Variants in FHIT observed in about 807,000 individuals in gnomAD.
The protein encoded by FHIT is fragile histidine triad diadenosine triphosphatase, also known as bis(5'-adenosyl)-triphosphatase.
FHIT carries 19 observed loss-of-function variants against 17.9 expected under a neutral mutation model. That is an observed-to-expected ratio of 1.06 (90% CI 0.74 to 1.56). The LOEUF (loss-of-function observed/expected upper bound fraction) is 1.56. Ranked by LOEUF, FHIT falls within the 40% of genes most tolerant of loss-of-function variation. The probability of loss-of-function intolerance (pLI) is 0.00; values close to 1 mark genes in which losing one functional copy is unlikely to be tolerated. For missense variants in FHIT, 248 were observed against 189.2 expected (o/e 1.31, Z -1.82); for synonymous variants, 81 against 69.7 (o/e 1.16, Z -0.81).
chr3:59,851,566 C>CATAGG (rs1701936853), intron 8 of FHIT, among the ~76,000 whole-genome samples: 1 of 152,190 alleles, frequency 6.6e-6, no homozygotes, highest in South Asian at 2.1e-4. Flanking sequence ...TCAATTATCA[C>CATAGG]TTGATACACA....
At chr3:59,808,773 T>C (rs1042717894) in intron 8 of FHIT, among the ~76,000 whole-genome samples, 15 of 152,080 alleles carry the variant, frequency 9.9e-5, no homozygotes, top group African/African-American at 2.9e-4. Context: ...GGATAATCTA[T>C]AAGACCTAAC....
intron 5 of FHIT, among the ~76,000 whole-genome samples, chr3:60,309,125 C>A (rs1361611796): frequency 2.6e-5 from 4 of 152,076 alleles, no homozygotes; most frequent in African/African-American, 9.7e-5. Context: ...CCATTATGTT[C>A]TGTCAGGGAA....
chr3:59,937,352 T>C (rs941610302), intron 7 of FHIT, among the ~76,000 whole-genome samples: 1 of 152,180 alleles, frequency 6.6e-6, no homozygotes, highest in Admixed American at 6.5e-5. Context: ...TGTGATAAGA[T>C]ACAGATAGTC....
intron 4 of FHIT, among the ~76,000 whole-genome samples, chr3:60,558,773 CAG>C (rs2036831346): frequency 6.6e-6 from 1 of 152,148 alleles, no homozygotes; most frequent in Admixed American, 6.5e-5. Flanking sequence ...AGGGCATTAA[CAG>C]AATCTTTTAG....
Position 60,145,757 on chromosome 3 carries a change from A to G in FHIT, c.104-131605T>C, listed in dbSNP as rs1040956101. 1.2e-4 allele frequency among the ~76,000 whole-genome samples: 18 copies of G among 152,172 alleles called. 1 individual carries two copies. Among genetic ancestry groups the G allele is most frequent in the Admixed American group, 3.3e-4 (5 of 15,278 alleles). On this transcript the variant is annotated intron_variant, in intron 5 of 9. Transcript: ENST00000492590. ...TTATCTATGTTAGAGAAACAAGACCATCTCTACTATTAATTCTGTCTCAAA... is the reference window on the plus strand; with the variant it reads ...TTATCTATGTTAGAGAAACAAGACCGTCTCTACTATTAATTCTGTCTCAAA...
chr3:61,121,526 A>G (rs1351097900), intron 2 of FHIT, among the ~76,000 whole-genome samples: 1 of 152,200 alleles, frequency 6.6e-6, no homozygotes, highest in Non-Finnish European at 1.5e-5. Flanking sequence ...TCCTTTATGG[A>G]CAAGCAAATG....
intron 5 of FHIT, among the ~76,000 whole-genome samples, chr3:60,271,664 T>C (rs1044464922): frequency 6.6e-6 from 1 of 152,196 alleles, no homozygotes; most frequent in African/African-American, 2.4e-5. Context: ...TCCATTACCA[T>C]GAAATTCACT....
At chr3:60,139,305 G>A (rs1053032526) in intron 5 of FHIT, among the ~76,000 whole-genome samples, 1 of 152,162 alleles carries the variant, frequency 6.6e-6, no homozygotes, top group African/African-American at 2.4e-5. Flanking sequence ...ATTAAAGGGA[G>A]TGAGAACCAA....
intron 5 of FHIT, among the ~76,000 whole-genome samples, chr3:60,423,552 C>G (rs960848668): frequency 2.6e-5 from 4 of 152,058 alleles, no homozygotes; most frequent in African/African-American, 9.7e-5. Context: ...AAAGAACAGC[C>G]TAAACTAAAT....
chr3:60,104,576 T>C (rs1042939862), intron 5 of FHIT, among the ~76,000 whole-genome samples: 6 of 151,564 alleles, frequency 4.0e-5, no homozygotes, highest in Non-Finnish European at 7.4e-5. Context: ...ATGCAGTGAA[T>C]AGTGATACTA....
At chr3:60,105,659 C>A (rs1212249713) in intron 5 of FHIT, among the ~76,000 whole-genome samples, 1 of 152,082 alleles carries the variant, frequency 6.6e-6, no homozygotes, top group South Asian at 2.1e-4. Flanking sequence ...CTTTGCTCTG[C>A]CATGTATAAT....
At chr3:60,149,789 A>C (rs1700383280) in intron 5 of FHIT, among the ~76,000 whole-genome samples, 5 of 132,902 alleles carry the variant, frequency 3.8e-5, no homozygotes, top group African/African-American at 8.7e-5. Flanking sequence ...CTACCCCCCT[A>C]CCCCCCTACC....
intron 2 of FHIT, among the ~76,000 whole-genome samples, chr3:61,045,413 G>A (rs748306772): frequency 6.6e-6 from 1 of 152,188 alleles, no homozygotes; most frequent in Admixed American, 6.5e-5. Flanking sequence ...TAATGGTAAA[G>A]GGATCAATTC....
At chr3:59,935,802 C>A (rs1311488057) in intron 7 of FHIT, among the ~76,000 whole-genome samples, 1 of 152,008 alleles carries the variant, frequency 6.6e-6, no homozygotes, top group Non-Finnish European at 1.5e-5. Flanking sequence ...AAATAGACAA[C>A]TACACTGCTC....
At chr3:59,764,529 T>C (rs1004668696) in intron 8 of FHIT, among the ~76,000 whole-genome samples, 2 of 152,200 alleles carry the variant, frequency 1.3e-5, no homozygotes, top group African/African-American at 4.8e-5. Flanking sequence ...TCCATTAAGT[T>C]CTGATGGAGC....
intron 3 of FHIT, among the ~76,000 whole-genome samples, chr3:60,928,101 T>G (rs1440580470): frequency 6.6e-6 from 1 of 152,056 alleles, no homozygotes; most frequent in Non-Finnish European, 1.5e-5. Context: ...AACAGATGCT[T>G]GAAGGCAGTA....
At chr3:60,715,441 T>TA (rs1405205390) in intron 4 of FHIT, among the ~76,000 whole-genome samples, 1 of 151,736 alleles carries the variant, frequency 6.6e-6, no homozygotes, top group African/African-American at 2.4e-5. Flanking sequence ...CATGCAGCCG[T>TA]AAAAAAATGA....
intron 8 of FHIT, among the ~76,000 whole-genome samples, chr3:59,840,597 A>G (rs1233492226): frequency 6.6e-6 from 1 of 152,132 alleles, no homozygotes; most frequent in Non-Finnish European, 1.5e-5. Context: ...ACAATGCTGT[A>G]TGTTTATTAC....
At chr3:60,892,090 C>T (rs1254270971) in intron 3 of FHIT, among the ~76,000 whole-genome samples, 2 of 152,138 alleles carry the variant, frequency 1.3e-5, no homozygotes, top group Non-Finnish European at 2.9e-5. Flanking sequence ...CATCAATAGT[C>T]CACAGAGTAA....
Sources: gnomAD v4.1 joint callset for allele counts (sites outside exome capture counted in the v4.1 genomes callset) on GRCh38, gnomAD v4.1.1 for gene constraint, MANE v1.5 for transcripts, NCBI Gene and HGNC (gene_info 2026-07-23, HGNC 2026-07-21) for gene names.